ELAVL4: variants seen among roughly 807,000 people sequenced by gnomAD.
ELAVL4 encodes the protein ELAV like RNA binding protein 4.
In ELAVL4, 1 loss-of-function variant was observed where a neutral mutation model predicts 35.6. That is an observed-to-expected ratio of 0.03 (90% CI 0.01 to 0.13). The LOEUF is 0.13. ELAVL4 is among the 10% of genes least tolerant of loss of function. The pLI is 1.00. For missense variants in ELAVL4, 267 were observed against 464.9 expected (o/e 0.57, Z 3.91); for synonymous variants, 156 against 171.0 (o/e 0.91, Z 0.69).
chr1:50,070,241 G>T (rs1469047001), intron 1 of ELAVL4, among the ~76,000 whole-genome samples: 1 of 152,148 alleles, frequency 6.6e-6, no homozygotes, highest in Admixed American at 6.5e-5. Flanking sequence ...TTAGGAAATA[G>T]AATAAAACTT....
At chr1:50,169,420 C>T (rs1557824983) in intron 2 of ELAVL4, among the ~76,000 whole-genome samples, 1 of 152,070 alleles carries the variant, frequency 6.6e-6, no homozygotes, top group Non-Finnish European at 1.5e-5. Context: ...TTTTAAAAAT[C>T]GCAACTCCAC....
chr1:50,082,141 C>T (rs966289902), intron 1 of ELAVL4, among the ~76,000 whole-genome samples: 2 of 152,130 alleles, frequency 1.3e-5, no homozygotes, highest in South Asian at 4.1e-4. Flanking sequence ...AATAAACATA[C>T]ATGTGCATGT....
chr1:50,148,727 C>T (rs1053610126), intron 2 of ELAVL4, among the ~76,000 whole-genome samples: 4 of 152,220 alleles, frequency 2.6e-5, no homozygotes, highest in Non-Finnish European at 5.9e-5. Flanking sequence ...AAGGAAGTGT[C>T]ATGTGACCCA....
At chr1:50,132,246 G>A (rs1670984870) in intron 1 of ELAVL4, among the ~76,000 whole-genome samples, 1 of 152,184 alleles carries the variant, frequency 6.6e-6, no homozygotes, top group Non-Finnish European at 1.5e-5. Context: ...ACATTCACAA[G>A]ATGTCCTTGA....
At chr1:50,054,587 T>C (rs1663561964) in intron 1 of ELAVL4, among the ~76,000 whole-genome samples, 1 of 152,206 alleles carries the variant, frequency 6.6e-6, no homozygotes, top group Admixed American at 6.5e-5. Flanking sequence ...TTATTTCTTA[T>C]AGGATAGACC....
Position 50,109,015 on chromosome 1 carries a change from T to TCCCCCTCCCCC in ELAVL4, c.-170_-169insTCCCCCCCCCC. 1 of 961,076 alleles carries TCCCCCTCCCCC rather than the reference T, an allele frequency of 1.0e-6. No homozygotes were observed. The highest frequency in any genetic ancestry group is 1.2e-6 in the Non-Finnish European group (1 of 816,956). The allele number at this position is 961,076 out of a possible 1,614,324, so 59.5% of individuals were successfully genotyped here. A position where few individuals can be genotyped will look rare whatever the true frequency, so the allele number is the denominator to read the frequency against. ...GCTCCTTTTCTTTTTTTTCTTTCTC[T>TCCCCCTCCCCC]CCCCCGCCCACCCCCCCAAAAATAA... On this transcript the variant is annotated 5_prime_UTR_variant, in exon 1 of 7. Coordinates refer to ENST00000371824, the MANE Select transcript of ELAVL4 (RefSeq NM_001144774.3).
intron 1 of ELAVL4, among the ~76,000 whole-genome samples, chr1:50,057,715 A>G (rs1023168510): frequency 6.6e-6 from 1 of 152,200 alleles, no homozygotes; most frequent in Non-Finnish European, 1.5e-5. Flanking sequence ...GGTAGTCTAT[A>G]CCACCTAGGC....
intron 1 of ELAVL4, among the ~76,000 whole-genome samples, chr1:50,121,878 C>A (rs548721775): frequency 6.8e-4 from 104 of 152,150 alleles, no homozygotes; most frequent in Non-Finnish European, 1.2e-3. Flanking sequence ...TGCTACATAG[C>A]AAAACCTGGA....
At chr1:50,087,136 C>G (rs1001412023) in intron 1 of ELAVL4, among the ~76,000 whole-genome samples, 3 of 152,118 alleles carry the variant, frequency 2.0e-5, no homozygotes, top group African/African-American at 7.2e-5. Flanking sequence ...TGTGAAAACC[C>G]CCTTGGAGCA....
chr1:50,048,751 C>T (rs1663204669), intron 1 of ELAVL4, among the ~76,000 whole-genome samples: 2 of 152,292 alleles, frequency 1.3e-5, no homozygotes, highest in African/African-American at 4.8e-5. Context: ...CCGCTGTGGA[C>T]CTGGGACTTG....
intron 1 of ELAVL4, among the ~76,000 whole-genome samples, chr1:50,056,088 T>C (rs1663654123): frequency 6.6e-6 from 1 of 152,182 alleles, no homozygotes; most frequent in Non-Finnish European, 1.5e-5. Context: ...CCCATCTTTT[T>C]CCCTACATTT....
At chr1:50,118,896 G>T (rs549501638) in intron 1 of ELAVL4, among the ~76,000 whole-genome samples, 17 of 132,038 alleles carry the variant, frequency 1.3e-4, no homozygotes, top group Admixed American at 6.4e-4. Context: ...GTTATTAGTT[G>T]ATCTGATATC....
chr1:50,078,049 G>A (rs1311678356), intron 1 of ELAVL4, among the ~76,000 whole-genome samples: 1 of 151,880 alleles, frequency 6.6e-6, no homozygotes, highest in East Asian at 1.9e-4. Context: ...TCTCTGAAAT[G>A]GGATAATTGC....
At chr1:50,056,235 TAA>T (rs2148472503) in intron 1 of ELAVL4, among the ~76,000 whole-genome samples, 1 of 152,292 alleles carries the variant, frequency 6.6e-6, no homozygotes, top group Non-Finnish European at 1.5e-5. Flanking sequence ...GGTAATAATA[TAA>T]GTCACACCCC....
At position 50,121,438 on chromosome 1, in the gene ELAVL4, A is replaced by G. The variant is rs112680184; in HGVS notation, c.9+12240A>G. On this transcript the variant is annotated intron_variant, in intron 1 of 6. Transcript: ENST00000371824. Reference sequence around the variant, plus strand: ...ATGGAATGATAGAATTGAATGAAATAGAAAAGAAAGTATCATTGGGTGGTA... The same window carrying G: ...ATGGAATGATAGAATTGAATGAAATGGAAAAGAAAGTATCATTGGGTGGTA... Among the ~76,000 whole-genome samples the G allele has an allele frequency of 4.0e-3, 616 of 152,216 alleles. 3 individuals carry two copies. Among genetic ancestry groups the G allele is most frequent in the Non-Finnish European group, 6.9e-3 (468 of 67,964 alleles).
chr1:50,201,320 G>A lies in ELAVL4; in HGVS notation c.*142G>A. On this transcript the variant is annotated 3_prime_UTR_variant, in exon 7 of 7. Transcript: ENST00000371824. The surrounding 1 kb of genome is among the most constrained non-coding windows in gnomAD (Gnocchi z 4.3). Reference sequence around the variant, plus strand: ...ACCATGGACTTTATAAGCCAGTGTTGCCTAAGTATTAAAACATTGGATTAT... The same window carrying A: ...ACCATGGACTTTATAAGCCAGTGTTACCTAAGTATTAAAACATTGGATTAT... 1 of 1,015,004 alleles carries A rather than the reference G, an allele frequency of 9.9e-7. No homozygotes were observed. Among genetic ancestry groups the A allele is most frequent in the Non-Finnish European group, 1.3e-6 (1 of 747,320 alleles). 62.9% of individuals were successfully genotyped at this position (1,015,004 alleles called of 1,614,324 possible). A position where few individuals can be genotyped will look rare whatever the true frequency, so the allele number is the denominator to read the frequency against.
upstream of ELAVL4, among the ~76,000 whole-genome samples, chr1:50,101,530 T>C (rs1665978616): frequency 6.6e-6 from 1 of 152,172 alleles, no homozygotes; most frequent in East Asian, 1.9e-4. Flanking sequence ...TATTTTTTAG[T>C]TGAGAAAAAA....
rs1167314250 is a variant in ELAVL4, at chr1:50,053,523, A to AT, written c.18+5348dup. Among the ~76,000 whole-genome samples, 35 of 152,074 alleles carry AT rather than the reference A, an allele frequency of 2.3e-4. No homozygotes were observed. In the East Asian group the frequency reaches 5.2e-3, roughly 23 times the overall value. On this transcript the variant is annotated intron_variant, in intron 1 of 6. Transcript: ENST00000448907. ...GCCACCAAGCCTAGCTAATTTTTGC[A>AT]TTTTTTTGTAGAGACAGGGTCTCTC...
intron 1 of ELAVL4, among the ~76,000 whole-genome samples, chr1:50,074,692 T>G (rs930328144): frequency 3.3e-5 from 5 of 152,124 alleles, no homozygotes; most frequent in Non-Finnish European, 5.9e-5. Flanking sequence ...GGGGTCATGG[T>G]GGAGCTAAAT....
Sources: gnomAD v4.1 joint callset for allele counts (sites outside exome capture counted in the v4.1 genomes callset) on GRCh38, gnomAD v4.1.1 for gene constraint, Gnocchi (gnomAD v3.1) non-coding constraint, MANE v1.5 for transcripts, NCBI Gene and HGNC (gene_info 2026-07-23, HGNC 2026-07-21) for gene names.